Variants in ITPR1 observed in about 807,000 individuals in gnomAD.
ITPR1 encodes inositol 1,4,5-trisphosphate receptor type 1.
In ITPR1, 96 loss-of-function variants were observed where a neutral mutation model predicts 318.4. That is an observed-to-expected ratio of 0.30 (90% CI 0.26 to 0.36). The LOEUF (loss-of-function observed/expected upper bound fraction) is 0.36, where lower values mean the gene tolerates loss of function less well. Ranked by LOEUF, ITPR1 falls within the 10% of genes least tolerant of loss-of-function variation. The pLI is 1.00. For missense variants in ITPR1, 2,440 were observed against 3,460.2 expected, an observed-to-expected ratio of 0.71 and a Z score of 7.40; for synonymous variants, 1,312 against 1,289.9, an observed-to-expected ratio of 1.02 and a Z score of -0.37.
At chr3:4,703,592 C>A (rs2094698998) in intron 36 of ITPR1, among the ~76,000 whole-genome samples, 1 of 152,142 alleles carries the variant, frequency 6.6e-6, no homozygotes, top group Non-Finnish European at 1.5e-5. Flanking sequence ...AAGAGAGTTA[C>A]CTGCCTGGAG....
At chr3:4,517,350 C>T (rs376227180) in intron 3 of ITPR1, among the ~76,000 whole-genome samples, 9 of 152,038 alleles carry the variant, frequency 5.9e-5, no homozygotes, top group South Asian at 2.1e-4. Flanking sequence ...AGTGAGGCCC[C>T]GGGGCGGCAT....
intron 36 of ITPR1, 49 bp from the exon 37 acceptor site, chr3:4,706,118 T>A: frequency 1.2e-6 from 2 of 1,601,890 alleles, no homozygotes; most frequent in Non-Finnish European, 1.7e-6. Flanking sequence ...ATCTGTAGGG[T>A]GTCCCCCATA....
intron 4 of ITPR1, among the ~76,000 whole-genome samples, chr3:4,604,718 C>A (rs1209556799): frequency 6.6e-6 from 1 of 152,092 alleles, no homozygotes. Context: ...AGCTTAGGAT[C>A]TGCAGTAGTT....
At chr3:4,828,602 C>A (rs971610617) in intron 60 of ITPR1, among the ~76,000 whole-genome samples, 17 of 152,134 alleles carry the variant, frequency 1.1e-4, no homozygotes, top group African/African-American at 4.1e-4. Flanking sequence ...ACCATGGCAC[C>A]CTGTGGGTGC....
At chr3:4,682,411 A>G (rs552302217) in intron 26 of ITPR1, among the ~76,000 whole-genome samples, 1 of 152,242 alleles carries the variant, frequency 6.6e-6, no homozygotes, top group East Asian at 1.9e-4. Context: ...ATCTCCTAAT[A>G]TCTTATTGTT....
intron 4 of ITPR1, among the ~76,000 whole-genome samples, chr3:4,559,789 G>T (rs1430193637): frequency 6.6e-6 from 1 of 152,240 alleles, no homozygotes; most frequent in Non-Finnish European, 1.5e-5. Flanking sequence ...AGCCCAGGGA[G>T]ATTAGGTAAC....
chr3:4,578,488 G>A (rs985346625), intron 4 of ITPR1, among the ~76,000 whole-genome samples: 1 of 152,096 alleles, frequency 6.6e-6, no homozygotes, highest in African/African-American at 2.4e-5. Flanking sequence ...TATTGTGTGT[G>A]TGTGTGTGTG....
chr3:4,569,089 C>G (rs1269634419), intron 4 of ITPR1, among the ~76,000 whole-genome samples: 5 of 152,190 alleles, frequency 3.3e-5, no homozygotes, highest in Admixed American at 3.3e-4. Flanking sequence ...GATCACATTT[C>G]AGCATGAGAT....
chr3:4,795,086 G>T lies in ITPR1; in HGVS notation c.6830G>T (p.Cys2277Phe). The change falls in exon 53 of 62, where the codon TGT becomes TTT. Residue 2277 changes from cysteine (C) to phenylalanine (F), a missense_variant. This residue lies in a region of ITPR1 where 115 missense variants were observed against 204.5 expected (regional missense o/e 0.56). Coordinates refer to ENST00000649015, the MANE Select transcript of ITPR1 (RefSeq NM_001378452.1). ...KLRAQPVLYW[C>F]ARNMSFWSSI... ...GCAGCCCAGCCCGTGTTGTACTGGT[G>T]TGCCCGCAACATGTCTTTCTGGAGC... 6.2e-7 allele frequency: 1 copy of T among 1,613,630 alleles called. No homozygotes were observed. Among genetic ancestry groups the T allele is most frequent in the Non-Finnish European group, 8.5e-7 (1 of 1,179,670 alleles).
chr3:4,632,713 C>G (rs571856054), intron 5 of ITPR1, among the ~76,000 whole-genome samples: 120 of 152,202 alleles, frequency 7.9e-4, no homozygotes, highest in African/African-American at 2.8e-3. Flanking sequence ...GTTTCATCAG[C>G]AAGTCCTTTC....
intron 3 of ITPR1, among the ~76,000 whole-genome samples, chr3:4,517,688 A>G (rs13084332): frequency 6.6e-6 from 1 of 152,216 alleles, no homozygotes; most frequent in African/African-American, 2.4e-5. Flanking sequence ...GTGACTTTCT[A>G]CATTTGACCT....
intron 4 of ITPR1, among the ~76,000 whole-genome samples, chr3:4,566,124 A>G (rs1338345837): frequency 2.0e-5 from 3 of 152,216 alleles, no homozygotes; most frequent in Non-Finnish European, 2.9e-5. Flanking sequence ...GAGGAGATCT[A>G]TAAATTCAGA....
At chr3:4,803,470 T>A (rs2048368140) in intron 54 of ITPR1, among the ~76,000 whole-genome samples, 1 of 152,154 alleles carries the variant, frequency 6.6e-6, no homozygotes, top group South Asian at 2.1e-4. Context: ...AGGGTGAAAA[T>A]GCATTTACAT....
intron 4 of ITPR1, among the ~76,000 whole-genome samples, chr3:4,567,296 T>G (rs1363527762): frequency 2.0e-5 from 3 of 152,182 alleles, no homozygotes; most frequent in Non-Finnish European, 4.4e-5. Flanking sequence ...CCTGTAGCAC[T>G]AGTGATCAGG....
At chr3:4,543,261 CAAA>C (rs879593198) in intron 4 of ITPR1, among the ~76,000 whole-genome samples, 1 of 118,962 alleles carries the variant, frequency 8.4e-6, no homozygotes. Context: ...GAGCCTGTCT[CAAA>C]AAAAAAAAAG....
At chr3:4,568,072 GC>G (rs1198695293) in intron 4 of ITPR1, among the ~76,000 whole-genome samples, 1 of 152,192 alleles carries the variant, frequency 6.6e-6, no homozygotes, top group Non-Finnish European at 1.5e-5. Context: ...GGATGGGAGA[GC>G]CTGAAGGCGC....
intron 4 of ITPR1, among the ~76,000 whole-genome samples, chr3:4,537,669 T>C (rs1179007214): frequency 6.6e-6 from 1 of 152,150 alleles, no homozygotes; most frequent in Non-Finnish European, 1.5e-5. Context: ...AAACAATAGG[T>C]TGGAGTGATG....
At chr3:4,674,483 G>A (rs2094146498) in intron 22 of ITPR1, 140 bp downstream of exon 22, 2 of 681,388 alleles carry the variant, frequency 2.9e-6, no homozygotes, top group Non-Finnish European at 2.3e-6. Flanking sequence ...ATTCAGCTTG[G>A]TTTTGTTCCA....
At position 4,559,556 on chromosome 3, in the gene ITPR1, A is replaced by T. The variant is rs995357377; in HGVS notation, c.163+38462A>T. Among the ~76,000 whole-genome samples the T allele has an allele frequency of 9.9e-5, 15 of 152,222 alleles. 1 individual carries two copies. Among genetic ancestry groups the T allele is most frequent in the Non-Finnish European group, 1.8e-4 (12 of 68,032 alleles). ...TGGGCACAATTCTTTGCATGCCAAG[A>T]TGAGTAAAAATGATTATTCTCCAGT... On this transcript the variant is annotated intron_variant, in intron 4 of 61. Coordinates refer to ENST00000649015, the MANE Select transcript of ITPR1 (RefSeq NM_001378452.1).
Sources: allele counts gnomAD v4.1 joint callset (sites outside exome capture counted in the v4.1 genomes callset), GRCh38; gene constraint gnomAD v4.1.1; regional missense constraint gnomAD v4.1.1; transcripts MANE v1.5; gene names NCBI Gene and HGNC (gene_info 2026-07-23, HGNC 2026-07-21).